Variants in CADM2 observed in about 807,000 individuals in gnomAD.
The protein encoded by CADM2 is cell adhesion molecule 2.
A neutral mutation model predicts 49.8 loss-of-function variants in CADM2; 12 were observed. The observed-to-expected ratio is 0.24, with a 90% CI of 0.15 to 0.39. The LOEUF (loss-of-function observed/expected upper bound fraction) is 0.39, where lower values mean the gene tolerates loss of function less well. Among genes scored for constraint, CADM2 ranks in the 10% least tolerant of loss-of-function variants. The pLI is 1.00. For missense variants in CADM2, 378 were observed against 492.3 expected, an observed-to-expected ratio of 0.77 and a Z score of 2.20; for synonymous variants, 214 against 175.4, an observed-to-expected ratio of 1.22 and a Z score of -1.74.
chr3:86,036,422 C>T (rs1334068017), intron 8 of CADM2, among the ~76,000 whole-genome samples: 1 of 152,084 alleles, frequency 6.6e-6, no homozygotes, highest in African/African-American at 2.4e-5. Context: ...GGTTGACCTT[C>T]CTACTCCCCC....
intron 1 of CADM2, among the ~76,000 whole-genome samples, chr3:85,624,180 T>C (rs1202379636): frequency 6.6e-6 from 1 of 152,172 alleles, no homozygotes; most frequent in Non-Finnish European, 1.5e-5. Context: ...ACTGAGAAGT[T>C]ACTTTCCTCT....
At chr3:86,057,885 T>C (rs1405500930) in intron 8 of CADM2, among the ~76,000 whole-genome samples, 1 of 152,264 alleles carries the variant, frequency 6.6e-6, no homozygotes, top group East Asian at 1.9e-4. Flanking sequence ...ATAAATGACC[T>C]CAACCAGCTC....
chr3:85,647,587 G>A (rs938921138), intron 1 of CADM2, among the ~76,000 whole-genome samples: 1 of 151,492 alleles, frequency 6.6e-6, no homozygotes, highest in South Asian at 2.1e-4. Flanking sequence ...TAATATTTGA[G>A]GACACACTTT....
rs1189428635 is a variant in CADM2 at position 86,013,406 on chromosome 3, A to T, written c.970+51759A>T. The stretch of plus-strand genomic sequence containing the variant: ...TACCTCTGGATGGACAGGAGGCCGA[A>T]GAAATCCCAGAAGGTCTCTTTACCC... On this transcript the variant is annotated intron_variant, in intron 8 of 9. Coordinates refer to ENST00000383699, the MANE Select transcript of CADM2 (RefSeq NM_001167675.2). 14 of 1,548,392 alleles carry T rather than the reference A, an allele frequency of 9.0e-6. No homozygotes were observed. The East Asian group carries it at 1.6e-4, about 17-fold the overall frequency.
chr3:85,269,986 A>T (rs2043202841), intron 1 of CADM2, among the ~76,000 whole-genome samples: 2 of 151,304 alleles, frequency 1.3e-5, no homozygotes, highest in Admixed American at 1.3e-4. Context: ...ATCATGAGAC[A>T]CTTAGGTTCC....
intron 1 of CADM2, among the ~76,000 whole-genome samples, chr3:85,337,423 T>C (rs1576372209): frequency 6.6e-6 from 1 of 151,474 alleles, no homozygotes; most frequent in Admixed American, 6.6e-5. Flanking sequence ...ACTGGTGGTA[T>C]AGAAAAACAT....
chr3:85,427,867 T>A (rs2326309), intron 1 of CADM2, among the ~76,000 whole-genome samples: 2 of 151,828 alleles, frequency 1.3e-5, no homozygotes, highest in Admixed American at 1.3e-4. Flanking sequence ...TTTTCAGTCC[T>A]TATACGTGAA....
intron 1 of CADM2, among the ~76,000 whole-genome samples, chr3:85,603,475 C>T (rs1322107555): frequency 6.6e-6 from 1 of 151,928 alleles, no homozygotes; most frequent in Non-Finnish European, 1.5e-5. Context: ...TATGTGTCAG[C>T]TCACAGGACT....
At chr3:85,331,013 G>C (rs983621235) in intron 1 of CADM2, among the ~76,000 whole-genome samples, 1 of 152,034 alleles carries the variant, frequency 6.6e-6, no homozygotes, top group Non-Finnish European at 1.5e-5. Context: ...ATATATAATA[G>C]CTGTGCATAT....
At chr3:85,243,069 T>C (rs545835772) in intron 1 of CADM2, among the ~76,000 whole-genome samples, 1 of 151,938 alleles carries the variant, frequency 6.6e-6, no homozygotes, top group South Asian at 2.1e-4. Context: ...GAAAGAAGAA[T>C]AGATGTGCAC....
At chr3:85,578,720 A>G (rs529129121) in intron 1 of CADM2, among the ~76,000 whole-genome samples, 5 of 152,336 alleles carry the variant, frequency 3.3e-5, no homozygotes, top group Admixed American at 1.3e-4. Context: ...TTTTGCATCT[A>G]TGAATTTAAA....
intron 4 of CADM2, among the ~76,000 whole-genome samples, chr3:85,885,008 C>A (rs528548008): frequency 1.3e-5 from 2 of 151,216 alleles, no homozygotes; most frequent in Admixed American, 6.6e-5. Flanking sequence ...GATGAGCCAC[C>A]GTACCTGGCC....
At chr3:85,076,303 TTGTGTGTGTGTGTGTG>T (rs71108205) in intron 1 of CADM2, among the ~76,000 whole-genome samples, 2 of 139,256 alleles carry the variant, frequency 1.4e-5, no homozygotes, top group African/African-American at 5.4e-5. Context: ...AAAAAAGAAA[TTGTGTGTGTGTGTGTG>T]TGTGTGTGTG....
chr3:85,806,232 C>T (rs1038298346), intron 3 of CADM2, among the ~76,000 whole-genome samples: 28 of 150,296 alleles, frequency 1.9e-4, no homozygotes, highest in Admixed American at 1.3e-4. Flanking sequence ...GGAAGGATTT[C>T]TGTATTGATA....
chr3:85,208,085 T>C (rs949466221), intron 1 of CADM2, among the ~76,000 whole-genome samples: 2 of 152,174 alleles, frequency 1.3e-5, no homozygotes, highest in Non-Finnish European at 2.9e-5. Context: ...GATGCAAATG[T>C]CATATGAAGG....
chr3:85,541,720 ATATATATATATTT>A (rs930416358), intron 1 of CADM2, among the ~76,000 whole-genome samples: 14 of 125,962 alleles, frequency 1.1e-4, no homozygotes, highest in African/African-American at 4.1e-4. Flanking sequence ...ATTTTATATT[ATATATATATATTT>A]TATATATATA....
intron 1 of CADM2, among the ~76,000 whole-genome samples, chr3:85,700,809 A>T (rs2066729885): frequency 1.3e-5 from 2 of 152,206 alleles, no homozygotes; most frequent in Non-Finnish European, 2.9e-5. Context: ...ATAACAACTT[A>T]ACAAGTCTCT....
Position 85,034,790 on chromosome 3 carries a change from C to CTTTTTTTTTTTTTTTTTTTT in CADM2, c.61+75127_61+75146dup, listed in dbSNP as rs1179967499. Among the ~76,000 whole-genome samples the CTTTTTTTTTTTTTTTTTTTT allele has an allele frequency of 6.3e-4, 53 of 84,060 alleles. 4 individuals carry two copies. Among genetic ancestry groups the CTTTTTTTTTTTTTTTTTTTT allele is most frequent in the African/African-American group, 1.5e-3 (27 of 18,502 alleles). The allele number at this position is 84,060 out of a possible 152,430, so 55.1% of individuals were successfully genotyped here. ...TATCTTTTAGATAAAAGACATTTTGCTTTTTTTTTTTTTTTTTTTTTTTTA... is the reference window on the plus strand; with the variant it reads ...TATCTTTTAGATAAAAGACATTTTGCTTTTTTTTTTTTTTTTTTTTTTTTTTTTTTTTTTTTTTTTTTTTA... On this transcript the variant is annotated intron_variant, in intron 1 of 9. Transcript: ENST00000383699.
At chr3:85,107,014 G>T (rs990209734) in intron 1 of CADM2, among the ~76,000 whole-genome samples, 1 of 152,052 alleles carries the variant, frequency 6.6e-6, no homozygotes, top group African/African-American at 2.4e-5. Context: ...AGAAAAAGTG[G>T]GACAGGGAGA....
Sources: allele counts gnomAD v4.1 joint callset (sites outside exome capture counted in the v4.1 genomes callset), GRCh38; gene constraint gnomAD v4.1.1; transcripts MANE v1.5; gene names NCBI Gene and HGNC (gene_info 2026-07-23, HGNC 2026-07-21).